The following DLG5 variants were observed in gnomAD, a reference collection of about 807,000 sequenced individuals.
DLG5 encodes discs large MAGUK scaffold protein 5.
In DLG5, 48 loss-of-function variants were observed where a neutral mutation model predicts 189.8. The observed-to-expected ratio is 0.25, with a 90% confidence interval of 0.20 to 0.32. The LOEUF is 0.32. Ranked by LOEUF, DLG5 falls within the 10% of genes least tolerant of loss-of-function variation. The pLI, the probability that DLG5 is intolerant of heterozygous loss-of-function variation, is 1.00. For missense variants in DLG5, 2,160 were observed against 2,544.7 expected (o/e 0.85, Z 3.25); for synonymous variants, 1,016 against 1,054.1 (o/e 0.96, Z 0.70).
At chr10:77,898,917 C>T (rs938992366) in intron 1 of DLG5, among the ~76,000 whole-genome samples, 22 of 152,190 alleles carry the variant, frequency 1.4e-4, no homozygotes, top group Non-Finnish European at 2.6e-4. Flanking sequence ...TACCCAGATG[C>T]GGCAAAGAGG....
At chr10:77,927,056 C>A, upstream of DLG5, 1 of 223,372 alleles carries the variant, frequency 4.5e-6, no homozygotes, top group Admixed American at 6.0e-5. Flanking sequence ...TCACCGGGGC[C>A]CCGCGGCCGC....
chr10:77,830,105 T>C, intron 11 of DLG5, 112 bp downstream of exon 11: 1 of 1,364,264 alleles, frequency 7.3e-7, no homozygotes, highest in Admixed American at 2.0e-5. Context: ...AGACTGTGTG[T>C]GAGTCTAAGG....
intron 18 of DLG5, 108 bp downstream of exon 18, chr10:77,817,669 G>C (rs1485749248): frequency 4.3e-6 from 4 of 928,288 alleles, no homozygotes; most frequent in Admixed American, 4.6e-5. Context: ...CCCAGGAGGT[G>C]ACAGGAGCTC....
chr10:77,927,009 C>T (rs1289544031), upstream of DLG5: 1 of 334,526 alleles, frequency 3.0e-6, no homozygotes, highest in Non-Finnish European at 6.2e-6. Context: ...CGGCCCGGCT[C>T]GGAGGCCGCC....
intron 1 of DLG5, among the ~76,000 whole-genome samples, chr10:77,887,338 T>A (rs577529590): frequency 6.6e-6 from 1 of 152,250 alleles, no homozygotes; most frequent in South Asian, 2.1e-4. Flanking sequence ...CTGGGCCCAC[T>A]CAGCAGCTGC....
chr10:77,831,034 T>C (rs1327276094), intron 9 of DLG5, among the ~76,000 whole-genome samples, 161 bp from the exon 10 acceptor site: 1 of 152,184 alleles, frequency 6.6e-6, no homozygotes, highest in African/African-American at 2.4e-5. Context: ...GCTGCTGGGA[T>C]ATCTGTGAGT....
intron 5 of DLG5, chr10:77,846,801 G>A: frequency 2.2e-6 from 1 of 448,472 alleles, no homozygotes; most frequent in Admixed American, 2.4e-5. Flanking sequence ...AACAAAGGAG[G>A]CTGTCATTGC....
At chr10:77,856,707 A>G in intron 3 of DLG5, 23 bp downstream of exon 3, 1 of 1,608,322 alleles carries the variant, frequency 6.2e-7, no homozygotes, top group Non-Finnish European at 8.5e-7. Context: ...GGGCCTGGGC[A>G]GGGGAGACGG....
At chr10:77,934,896 C>T in the DLG5 span, among the ~76,000 whole-genome samples, 3 of 141,854 alleles carry the variant, frequency 2.1e-5, no homozygotes, top group Non-Finnish European at 4.5e-5. Context: ...CTTGCTCTGT[C>T]GCCTAGGCTG....
At chr10:77,853,632 C>CGTA in intron 4 of DLG5, 95 bp from the exon 5 acceptor site, 1 of 1,278,240 alleles carries the variant, frequency 7.8e-7, no homozygotes, top group Non-Finnish European at 1.0e-6. Context: ...CAACACTTCC[C>CGTA]GTAGATACAG....
At chr10:77,861,564 G>T (rs537295506) in intron 2 of DLG5, among the ~76,000 whole-genome samples, 1 of 151,850 alleles carries the variant, frequency 6.6e-6, no homozygotes. Context: ...GGACCTGGGC[G>T]TGGCTGGCCA....
intron 1 of DLG5, among the ~76,000 whole-genome samples, chr10:77,892,020 C>A (rs1267352083): frequency 1.3e-5 from 2 of 152,226 alleles, no homozygotes; most frequent in African/African-American, 4.8e-5. Flanking sequence ...CAGCACCCTG[C>A]CCTCATCATC....
At chr10:77,825,753 C>T (rs974914417) in intron 13 of DLG5, among the ~76,000 whole-genome samples, 3 of 151,924 alleles carry the variant, frequency 2.0e-5, no homozygotes, top group South Asian at 2.1e-4. Flanking sequence ...GATGGGGTTT[C>T]ATTGTGTTGC....
At chr10:77,849,905 T>C (rs1446866461) in intron 5 of DLG5, among the ~76,000 whole-genome samples, 2 of 152,230 alleles carry the variant, frequency 1.3e-5, no homozygotes, top group Non-Finnish European at 2.9e-5. Flanking sequence ...AGATAGTCTA[T>C]GTTGCCCAGG....
At chr10:77,929,972 T>G (rs979336633), upstream of DLG5, 3 of 152,234 alleles carry the variant, frequency 2.0e-5, no homozygotes, top group African/African-American at 7.2e-5. Context: ...CACTTCACTC[T>G]TCTACTGCCT....
intron 5 of DLG5, among the ~76,000 whole-genome samples, chr10:77,850,749 C>T (rs910245470): frequency 1.3e-5 from 2 of 152,220 alleles, no homozygotes; most frequent in African/African-American, 4.8e-5. Flanking sequence ...TGACTGAGCG[C>T]CTCATACACA....
At position 77,792,348 on chromosome 10, in the gene DLG5, C is replaced by T. The variant is rs1431888220; in HGVS notation, c.*92G>A. ...GATCCTTCCCCCGCATGTTCATAGA[C>T]GGACAGACTTCTACTTTCAGTCGCT... On this transcript the variant is annotated 3_prime_UTR_variant, in exon 32 of 32. Coordinates refer to ENST00000372391, the MANE Select transcript of DLG5 (RefSeq NM_004747.4). 10 of 1,274,170 alleles carry T rather than the reference C, an allele frequency of 7.8e-6. No individual in the cohort carries two copies. In the East Asian group the frequency reaches 1.9e-4, roughly 24 times the overall value. 78.9% of individuals were successfully genotyped at this position (1,274,170 alleles called of 1,614,324 possible).
intron 5 of DLG5, among the ~76,000 whole-genome samples, chr10:77,850,742 C>G (rs1165175435): frequency 2.0e-5 from 3 of 152,256 alleles, no homozygotes; most frequent in Admixed American, 1.3e-4. Flanking sequence ...ACAACACTGA[C>G]TGAGCGCCTC....
intron 1 of DLG5, among the ~76,000 whole-genome samples, chr10:77,900,703 G>T (rs1373617050): frequency 6.6e-6 from 1 of 152,142 alleles, no homozygotes; most frequent in African/African-American, 2.4e-5. Context: ...TTGGGAGGCC[G>T]AGGCAGGCAT....
Sources: gnomAD v4.1 joint callset for allele counts (sites outside exome capture counted in the v4.1 genomes callset) on GRCh38, gnomAD v4.1.1 for gene constraint, MANE v1.5 for transcripts, NCBI Gene and HGNC (gene_info 2026-07-23, HGNC 2026-07-21) for gene names.